The following PLD1 variants were observed in gnomAD, a reference collection of about 807,000 sequenced individuals.
PLD1 encodes phospholipase D1, also known as choline phosphatase 1.
Under a neutral mutation model 137.1 loss-of-function variants are expected in PLD1, and 112 were observed. That is an observed-to-expected ratio of 0.82 (90% CI 0.70 to 0.96). The LOEUF (loss-of-function observed/expected upper bound fraction) is 0.96. Among genes scored for constraint, PLD1 ranks in the 40% least tolerant of loss-of-function variants. PLD1 has a pLI of 0.00. For synonymous variants in PLD1, 431 were observed against 454.7 expected (o/e 0.95, Z 0.66); for missense variants, 1,321 against 1,342.0 (o/e 0.98, Z 0.24).
chr3:171,699,549 T>C (rs1716056614), intron 12 of PLD1, among the ~76,000 whole-genome samples, 196 bp downstream of exon 12: 1 of 152,210 alleles, frequency 6.6e-6, no homozygotes, highest in African/African-American at 2.4e-5. Flanking sequence ...TGCTGTGAAT[T>C]AGTCTAAAAT....
intron 23 of PLD1, among the ~76,000 whole-genome samples, chr3:171,638,587 A>G (rs982671919): frequency 5.3e-5 from 8 of 152,214 alleles, no homozygotes; most frequent in Admixed American, 5.2e-4. Context: ...TAATTAGCAA[A>G]GCCACTGGGC....
chr3:171,763,450 AGGAGGGGAGGGGAGG>A (rs1175069900), intron 1 of PLD1, among the ~76,000 whole-genome samples: 1 of 71,798 alleles, frequency 1.4e-5, no homozygotes, highest in Non-Finnish European at 2.6e-5. Flanking sequence ...GAAGAGAAAG[AGGAGGGGAGGGGAGG>A]GGAGGGGAGG....
intron 23 of PLD1, among the ~76,000 whole-genome samples, chr3:171,622,894 A>T (rs147788875): frequency 1.4e-3 from 212 of 151,998 alleles, no homozygotes; most frequent in African/African-American, 5.0e-3. Context: ...TATACACAAA[A>T]CAATAACCAC....
intron 1 of PLD1, among the ~76,000 whole-genome samples, chr3:171,798,323 T>C: frequency 6.6e-6 from 1 of 152,250 alleles, no homozygotes; most frequent in East Asian, 1.9e-4. Context: ...CCTCCCTTGC[T>C]TCACATCAAC....
intron 1 of PLD1, chr3:171,792,132 A>G (rs917218872): frequency 6.2e-6 from 1 of 160,354 alleles, no homozygotes. Flanking sequence ...ACTACTCCCA[A>G]TGCCACCATT....
At chr3:171,632,418 C>T (rs559422069) in intron 23 of PLD1, among the ~76,000 whole-genome samples, 2 of 152,166 alleles carry the variant, frequency 1.3e-5, no homozygotes, top group Admixed American at 6.5e-5. Flanking sequence ...AGACAACTGG[C>T]AATATTTCAA....
rs531882906 is a variant in PLD1, at chr3:171,668,300, A to G, written c.2230-6130T>C. On this transcript the variant is annotated intron_variant, in intron 19 of 26. Coordinates refer to ENST00000351298, the MANE Select transcript of PLD1 (RefSeq NM_002662.5). ...ATACATGGAAAACAACTCCCATGGT[A>G]AATAACTTCCATGGAAATGGACAAG... Among the ~76,000 whole-genome samples, 6 of 152,300 alleles carry G rather than the reference A, an allele frequency of 3.9e-5. No individual in the cohort carries two copies. The South Asian group carries it at 1.0e-3, about 26-fold the overall frequency.
intron 1 of PLD1, among the ~76,000 whole-genome samples, chr3:171,805,723 TAA>T (rs917002258): frequency 6.6e-6 from 1 of 152,084 alleles, no homozygotes; most frequent in African/African-American, 2.4e-5. Flanking sequence ...TAAAAAAACC[TAA>T]AAAAAAGTTT....
intron 1 of PLD1, among the ~76,000 whole-genome samples, chr3:171,760,652 C>A (rs772018932): frequency 1.8e-4 from 28 of 152,156 alleles, no homozygotes; most frequent in Non-Finnish European, 4.0e-4. Flanking sequence ...AAGGCGGAGT[C>A]CAGAGGCCAC....
At chr3:171,778,739 G>A (rs1319022337) in intron 1 of PLD1, among the ~76,000 whole-genome samples, 1 of 152,230 alleles carries the variant, frequency 6.6e-6, no homozygotes, top group African/African-American at 2.4e-5. Flanking sequence ...GGTGTAGTGA[G>A]AGAAGAAACT....
At chr3:171,772,746 C>G (rs1206916104) in intron 1 of PLD1, among the ~76,000 whole-genome samples, 2 of 152,108 alleles carry the variant, frequency 1.3e-5, no homozygotes, top group African/African-American at 2.4e-5. Context: ...AGCAGCTATG[C>G]GAGCACATTA....
intron 24 of PLD1, among the ~76,000 whole-genome samples, chr3:171,617,417 G>A (rs1343354193): frequency 2.0e-5 from 3 of 152,158 alleles, no homozygotes; most frequent in Admixed American, 6.5e-5. Context: ...TAGTGTTTCT[G>A]CTCTCATATG....
chr3:171,739,429 C>T (rs1393469677), intron 1 of PLD1, among the ~76,000 whole-genome samples: 1 of 152,048 alleles, frequency 6.6e-6, no homozygotes, highest in Admixed American at 6.6e-5. Flanking sequence ...ATCTAAGTTC[C>T]CTGGAACTAT....
At chr3:171,746,032 G>A (rs552709199) in intron 1 of PLD1, among the ~76,000 whole-genome samples, 3 of 152,158 alleles carry the variant, frequency 2.0e-5, no homozygotes, top group Non-Finnish European at 4.4e-5. Context: ...CACCGGGCAA[G>A]CAGTTGCGGA....
At chr3:171,639,820 T>TTCTCTCTCTCTC (rs778938858) in intron 23 of PLD1, among the ~76,000 whole-genome samples, 21 of 118,056 alleles carry the variant, frequency 1.8e-4, no homozygotes, top group Middle Eastern at 4.6e-3. Flanking sequence ...TTTACATAAT[T>TTCTCTCTCTCTC]TCTCTCTCTC....
intron 1 of PLD1, among the ~76,000 whole-genome samples, chr3:171,754,292 G>C (rs1479607943): frequency 6.6e-6 from 1 of 152,204 alleles, no homozygotes; most frequent in East Asian, 1.9e-4. Flanking sequence ...AGTTTGGGCA[G>C]CACAAGGAAC....
rs1021785347 is a variant in PLD1 at position 171,602,425 on chromosome 3, G to A, written c.*653C>T. The A allele has an allele frequency of 5.2e-5, 8 of 152,422 alleles. No individual in the cohort carries two copies. The highest frequency in any genetic ancestry group is 1.7e-4 in the African/African-American group (7 of 41,436). 9.4% of individuals were successfully genotyped at this position (152,422 alleles called of 1,614,324 possible). On this transcript the variant is annotated 3_prime_UTR_variant, in exon 27 of 27. Transcript: ENST00000351298. ...AATTTATTCCTTCCTGTTGCTTAGT[G>A]GTGTCAAGATACAGTGTCAATGTTA... is the stretch of plus-strand genomic sequence containing the variant.
At chr3:171,768,350 A>G (rs1722117366) in intron 1 of PLD1, among the ~76,000 whole-genome samples, 1 of 152,234 alleles carries the variant, frequency 6.6e-6, no homozygotes, top group Non-Finnish European at 1.5e-5. Flanking sequence ...GGGGGGCAAG[A>G]ACCAGGAGGT....
chr3:171,642,485 G>A (rs12107445), intron 23 of PLD1, among the ~76,000 whole-genome samples: 4,152 of 140,806 alleles, frequency 0.029, 242 homozygotes, highest in African/African-American at 0.11. Flanking sequence ...AAAAAAAGAC[G>A]TCTGCGAAAG....
Sources: gnomAD v4.1 joint callset for allele counts (sites outside exome capture counted in the v4.1 genomes callset) on GRCh38, gnomAD v4.1.1 for gene constraint, MANE v1.5 for transcripts, NCBI Gene and HGNC (gene_info 2026-07-23, HGNC 2026-07-21) for gene names.